The following LRRC4C variants were observed in gnomAD, a reference collection of about 807,000 sequenced individuals.
LRRC4C encodes leucine-rich repeat-containing protein 4C.
A neutral mutation model predicts 33.6 loss-of-function variants in LRRC4C; 5 were observed. That is an observed-to-expected ratio of 0.15 (90% CI 0.08 to 0.31). The LOEUF (loss-of-function observed/expected upper bound fraction) is 0.31, where lower values mean the gene tolerates loss of function less well. Ranked by LOEUF, LRRC4C falls within the 10% of genes least tolerant of loss-of-function variation. The pLI is 1.00. For missense variants in LRRC4C, 560 were observed against 796.7 expected (o/e 0.70, Z 3.58); for synonymous variants, 329 against 302.0 (o/e 1.09, Z -0.93).
intron 1 of LRRC4C, among the ~76,000 whole-genome samples, chr11:40,959,002 G>C (rs375625109): frequency 6.6e-6 from 1 of 151,646 alleles, no homozygotes; most frequent in African/African-American, 2.4e-5. Flanking sequence ...AACCTGATTG[G>C]TGTGGAATGG....
At chr11:40,149,291 A>T (rs1412755662) in intron 5 of LRRC4C, among the ~76,000 whole-genome samples, 1 of 152,190 alleles carries the variant, frequency 6.6e-6, no homozygotes, top group East Asian at 1.9e-4. Context: ...TAGCCATTTT[A>T]ACAATAATGA....
At chr11:40,519,003 C>A (rs957623299) in intron 3 of LRRC4C, among the ~76,000 whole-genome samples, 4 of 152,060 alleles carry the variant, frequency 2.6e-5, no homozygotes, top group Non-Finnish European at 5.9e-5. Flanking sequence ...GAAAAGCAAA[C>A]AATGCATATT....
intron 4 of LRRC4C, chr11:40,293,352 C>G (rs1944329035): frequency 6.6e-6 from 1 of 152,014 alleles, no homozygotes. Flanking sequence ...CCCCCACCCC[C>G]AGCACCCGGT....
chr11:40,333,787 G>C (rs1333242710), intron 3 of LRRC4C, among the ~76,000 whole-genome samples: 6 of 149,644 alleles, frequency 4.0e-5, no homozygotes, highest in Non-Finnish European at 8.9e-5. Context: ...CTGAGGAACA[G>C]TTTCCAATGA....
chr11:40,119,360 A>G (rs1479839904), intron 6 of LRRC4C, among the ~76,000 whole-genome samples: 2 of 151,870 alleles, frequency 1.3e-5, no homozygotes, highest in East Asian at 3.9e-4. Flanking sequence ...CTGAGTTACT[A>G]TTTTTTTCCC....
intron 2 of LRRC4C, among the ~76,000 whole-genome samples, chr11:40,845,057 C>T (rs940807023): frequency 2.6e-5 from 4 of 151,866 alleles, no homozygotes; most frequent in Admixed American, 6.6e-5. Context: ...AAAATGTGTA[C>T]ATATTTTAAA....
chr11:40,403,460 C>G (rs1324748507), intron 3 of LRRC4C, among the ~76,000 whole-genome samples: 2 of 152,046 alleles, frequency 1.3e-5, no homozygotes, highest in African/African-American at 2.4e-5. Flanking sequence ...TATAGTTTGT[C>G]TGAAAATTGA....
chr11:40,431,765 A>T (rs138593826), intron 3 of LRRC4C, among the ~76,000 whole-genome samples: 2 of 152,316 alleles, frequency 1.3e-5, no homozygotes, highest in African/African-American at 4.8e-5. Context: ...AGGTAAGGTA[A>T]CTGAGTCTTG....
At chr11:40,474,367 C>CAACCCAATCAAAAAG (rs1953102498) in intron 3 of LRRC4C, among the ~76,000 whole-genome samples, 1 of 152,094 alleles carries the variant, frequency 6.6e-6, no homozygotes. Flanking sequence ...GCTGGGAAAA[C>CAACCCAATCAAAAAG]TGGCTAGCCA....
chr11:40,295,397 TTTTC>T, intron 4 of LRRC4C, among the ~76,000 whole-genome samples: 1 of 152,322 alleles, frequency 6.6e-6, no homozygotes, highest in African/African-American at 2.4e-5. Context: ...TTTGCACTGA[TTTTC>T]TTTATTTTTG....
chr11:41,001,502 C>G (rs890068665), intron 1 of LRRC4C, among the ~76,000 whole-genome samples: 1 of 152,044 alleles, frequency 6.6e-6, no homozygotes, highest in African/African-American at 2.4e-5. Context: ...TCCAGACTAT[C>G]AGGATCCCTG....
intron 4 of LRRC4C, among the ~76,000 whole-genome samples, chr11:40,274,886 A>G (rs1308692928): frequency 6.6e-6 from 1 of 152,194 alleles, no homozygotes; most frequent in Non-Finnish European, 1.5e-5. Context: ...CTAAGAAGCT[A>G]CAAGTGAAAT....
intron 1 of LRRC4C, among the ~76,000 whole-genome samples, chr11:41,159,450 G>C (rs147462556): frequency 1.3e-5 from 2 of 152,230 alleles, no homozygotes; most frequent in African/African-American, 4.8e-5. Flanking sequence ...AAAAGGTATA[G>C]AGATGAAGAA....
intron 1 of LRRC4C, among the ~76,000 whole-genome samples, chr11:41,348,273 C>T (rs986877193): frequency 1.3e-5 from 2 of 152,084 alleles, no homozygotes; most frequent in South Asian, 4.1e-4. Flanking sequence ...AAAATAACTC[C>T]ATTCCATAAA....
chr11:40,758,896 T>C, intron 2 of LRRC4C, among the ~76,000 whole-genome samples: 1 of 151,804 alleles, frequency 6.6e-6, no homozygotes, highest in East Asian at 1.9e-4. Context: ...AACAATGTAA[T>C]GAAATTCAGG....
chr11:41,340,916 G>A (rs1951613566), intron 1 of LRRC4C, among the ~76,000 whole-genome samples: 1 of 152,160 alleles, frequency 6.6e-6, no homozygotes, highest in Non-Finnish European at 1.5e-5. Flanking sequence ...TTGTGGTTGA[G>A]GATTCCAGAA....
At chr11:40,397,136 C>T (rs546132834) in intron 3 of LRRC4C, among the ~76,000 whole-genome samples, 50 of 151,992 alleles carry the variant, frequency 3.3e-4, no homozygotes, top group South Asian at 4.2e-4. Flanking sequence ...TGATTTGTAA[C>T]GTATATTTAA....
Position 40,279,253 on chromosome 11 carries a change from G to T in LRRC4C, c.-175-37655C>A, listed in dbSNP as rs140435497. On this transcript the variant is annotated intron_variant, in intron 4 of 6. Transcript: ENST00000528697. ...GGCATCACAACTGAGACAGGTCCAA[G>T]AGATCAGTCCCAAAAGAAAACTCGA... Among the ~76,000 whole-genome samples, 206 of 152,212 alleles carry T rather than the reference G, an allele frequency of 1.4e-3. 2 individuals carry two copies. The highest frequency in any genetic ancestry group is 4.8e-3 in the African/African-American group (198 of 41,530).
chr11:40,745,430 C>T (rs1035323875), intron 2 of LRRC4C, among the ~76,000 whole-genome samples: 5 of 151,984 alleles, frequency 3.3e-5, no homozygotes, highest in East Asian at 1.9e-4. Flanking sequence ...ACTATGAGAA[C>T]GTTTGATAGA....
Sources: gnomAD v4.1 joint callset for allele counts (sites outside exome capture counted in the v4.1 genomes callset) on GRCh38, gnomAD v4.1.1 for gene constraint, MANE v1.5 for transcripts, NCBI Gene and HGNC (gene_info 2026-07-23, HGNC 2026-07-21) for gene names.